Variants in ASCC1 observed in about 807,000 individuals in gnomAD.
ASCC1 encodes ASC-1 complex subunit P50.
A neutral mutation model predicts 46.6 loss-of-function variants in ASCC1; 35 were observed. The observed-to-expected ratio is 0.75, with a 90% CI of 0.57 to 0.99. ASCC1 has a LOEUF of 0.99. ASCC1 is among the 50% of genes least tolerant of loss of function. The pLI, the probability that ASCC1 is intolerant of heterozygous loss-of-function variation, is 0.00. For synonymous variants in ASCC1, 143 were observed against 146.6 expected (o/e 0.98, Z 0.18); for missense variants, 376 against 428.7 (o/e 0.88, Z 1.09).
Position 72,122,556 on chromosome 10 carries a change from G to A in ASCC1, c.957+5526C>T, listed in dbSNP as rs113806460. Among the ~76,000 whole-genome samples the A allele has an allele frequency of 8.9e-4, 135 of 152,126 alleles. 2 individuals are homozygous for A. The highest frequency in any genetic ancestry group is 3.2e-3 in the African/African-American group (131 of 41,516). ...CAACATTTTGTGAGGCTGAGTGCTT[G>A]AGCCCAGGAGTTAGAGAACAGCCTG... On this transcript the variant is annotated intron_variant, in intron 9 of 9. Transcript: ENST00000672957.
At chr10:72,109,808 G>A (rs1177214974) in intron 9 of ASCC1, among the ~76,000 whole-genome samples, 1 of 152,170 alleles carries the variant, frequency 6.6e-6, no homozygotes, top group Non-Finnish European at 1.5e-5. Context: ...ATGAGTAGGG[G>A]TAGGAGGTAG....
chr10:72,195,139 G>GTTTTTTTTTTTTTTTTTTTTTTT (rs142672810), intron 5 of ASCC1, among the ~76,000 whole-genome samples: 9 of 61,018 alleles, frequency 1.5e-4, no homozygotes, highest in Admixed American at 2.6e-4. Flanking sequence ...TTTTTGCTGT[G>GTTTTTTTTTTTTTTTTTTTTTTT]TTTTTTTTTT....
chr10:72,189,387 A>G (rs898214520), intron 5 of ASCC1, among the ~76,000 whole-genome samples: 12 of 152,182 alleles, frequency 7.9e-5, no homozygotes, highest in Non-Finnish European at 1.3e-4. Flanking sequence ...TAGCCTGGGC[A>G]ACAGAGCAAG....
At chr10:72,173,805 C>T (rs1851536329) in intron 5 of ASCC1, among the ~76,000 whole-genome samples, 1 of 152,312 alleles carries the variant, frequency 6.6e-6, no homozygotes, top group Middle Eastern at 3.4e-3. Context: ...TGAAGACCAA[C>T]GAACATCAAA....
chr10:72,152,248 T>C, intron 7 of ASCC1, among the ~76,000 whole-genome samples: 1 of 149,818 alleles, frequency 6.7e-6, no homozygotes, highest in South Asian at 2.1e-4. Context: ...AGGCCAGTCT[T>C]GAACTCCTGG....
chr10:72,199,269 G>A (rs1856121798), intron 4 of ASCC1, among the ~76,000 whole-genome samples: 1 of 147,784 alleles, frequency 6.8e-6, no homozygotes, highest in East Asian at 2.0e-4. Flanking sequence ...GAATACGGGT[G>A]TATGCCATCA....
chr10:72,205,115 G>T (rs1857016565), intron 3 of ASCC1, among the ~76,000 whole-genome samples: 1 of 152,206 alleles, frequency 6.6e-6, no homozygotes, highest in South Asian at 2.1e-4. Flanking sequence ...CAAGGCTATG[G>T]TGAGCTATGA....
chr10:72,139,759 T>C lies in ASCC1; in HGVS notation c.747-6578A>G, dbSNP rs538333728. Among the ~76,000 whole-genome samples the C allele has an allele frequency of 6.6e-5, 10 of 152,312 alleles. No individual in the cohort carries two copies. The South Asian group carries it at 2.1e-3, about 32-fold the overall frequency. Reference sequence around the variant, plus strand: ...AAAGTGCAAATTTCAAGCTTTTGTTTGGGCTTTCCCTCCCAATTTAATTCA... The same window carrying C: ...AAAGTGCAAATTTCAAGCTTTTGTTCGGGCTTTCCCTCCCAATTTAATTCA... On this transcript the variant is annotated intron_variant, in intron 7 of 9. Coordinates refer to ENST00000672957, the MANE Select transcript of ASCC1 (RefSeq NM_001198800.3).
intron 1 of ASCC1, among the ~76,000 whole-genome samples, chr10:72,213,623 A>G (rs1316481068): frequency 1.3e-5 from 2 of 148,858 alleles, no homozygotes; most frequent in Admixed American, 6.7e-5. Context: ...AAAAAGAAGG[A>G]AGGGAGGGGA....
chr10:72,160,335 T>C lies in ASCC1; in HGVS notation c.626+1203A>G, dbSNP rs1429333346. Among the ~76,000 whole-genome samples the C allele has an allele frequency of 2.0e-5, 3 of 151,944 alleles. No homozygotes were observed. In the East Asian group the frequency reaches 5.8e-4, roughly 29 times the overall value. ...ATGGGGCCTGCCTACAAGAATGGAG[T>C]AAAAAAACTATTTGAGTGAATTGGC... On this transcript the variant is annotated intron_variant, in intron 6 of 9. Transcript: ENST00000672957.
In ASCC1 at chr10:72,097,182, G is replaced by C. The variant is rs1292199877; in HGVS notation, c.*152C>G. The C allele has an allele frequency of 6.8e-6, 5 of 734,472 alleles. No individual in the cohort carries two copies. The highest frequency in any genetic ancestry group is 2.7e-5 in the South Asian group (2 of 73,208). 45.5% of individuals were successfully genotyped at this position (734,472 alleles called of 1,614,324 possible). On this transcript the variant is annotated 3_prime_UTR_variant, in exon 10 of 10. Transcript: ENST00000672957. The stretch of plus-strand genomic sequence containing the variant: ...CTCAGCTGGTAGTATGACGGGTGTA[G>C]ACACCATTAGAGGCAATGGTGAATC...
At chr10:72,174,452 T>G (rs1293401287) in intron 5 of ASCC1, among the ~76,000 whole-genome samples, 1 of 152,116 alleles carries the variant, frequency 6.6e-6, no homozygotes, top group Admixed American at 6.6e-5. Flanking sequence ...CAACCATCCT[T>G]TCCATGAGAT....
At chr10:72,134,855 G>A (rs1273151792) in intron 7 of ASCC1, among the ~76,000 whole-genome samples, 5 of 152,054 alleles carry the variant, frequency 3.3e-5, no homozygotes. Context: ...TACAACACTC[G>A]AGAAAAGAAA....
intron 7 of ASCC1, among the ~76,000 whole-genome samples, chr10:72,136,453 G>A (rs1236419026): frequency 6.7e-6 from 1 of 149,982 alleles, no homozygotes; most frequent in African/African-American, 2.5e-5. Flanking sequence ...AGGATTGTAA[G>A]CACACCAATC....
chr10:72,193,485 A>ACACAC (rs2133220201), intron 5 of ASCC1, among the ~76,000 whole-genome samples: 1 of 151,692 alleles, frequency 6.6e-6, no homozygotes, highest in East Asian at 1.9e-4. Context: ...CACACCACAC[A>ACACAC]CACACATGAT....
At chr10:72,191,080 CAG>C (rs1307706958) in intron 5 of ASCC1, among the ~76,000 whole-genome samples, 7 of 146,930 alleles carry the variant, frequency 4.8e-5, no homozygotes, top group Non-Finnish European at 7.5e-5. Context: ...TTTTTTGAGA[CAG>C]AGTCTCGCTC....
At chr10:72,160,781 TAAA>T (rs568875489) in intron 6 of ASCC1, among the ~76,000 whole-genome samples, 43 of 132,256 alleles carry the variant, frequency 3.3e-4, no homozygotes, top group African/African-American at 1.0e-3. Flanking sequence ...TTATTTGTAT[TAAA>T]AAAAAAAAAA....
chr10:72,103,029 C>A, intron 9 of ASCC1: 1 of 428,206 alleles, frequency 2.3e-6, no homozygotes, highest in South Asian at 1.7e-5. Flanking sequence ...GTATTGACAA[C>A]AACAGTAATA....
intron 2 of ASCC1, among the ~76,000 whole-genome samples, chr10:72,211,863 A>G (rs939174764): frequency 6.6e-6 from 1 of 152,080 alleles, no homozygotes; most frequent in African/African-American, 2.4e-5. Flanking sequence ...TAAAATAACA[A>G]TACAGCAATA....
Sources: allele counts gnomAD v4.1 joint callset (sites outside exome capture counted in the v4.1 genomes callset), GRCh38; gene constraint gnomAD v4.1.1; transcripts MANE v1.5; gene names NCBI Gene and HGNC (gene_info 2026-07-23, HGNC 2026-07-21).